The following MACROD2 variants were observed in gnomAD, a reference collection of about 807,000 sequenced individuals.
The protein encoded by MACROD2 is mono-ADP ribosylhydrolase 2.
A neutral mutation model predicts 70.4 loss-of-function variants in MACROD2; 36 were observed. The observed-to-expected ratio is 0.51, with a 90% CI of 0.39 to 0.68. The LOEUF (loss-of-function observed/expected upper bound fraction) is 0.68. Among genes scored for constraint, MACROD2 ranks in the 30% least tolerant of loss-of-function variants. The probability of loss-of-function intolerance (pLI) is 0.00; values close to 1 mark genes in which losing one functional copy is unlikely to be tolerated. For missense variants in MACROD2, 496 were observed against 538.4 expected (o/e 0.92, Z 0.78); for synonymous variants, 172 against 178.8 (o/e 0.96, Z 0.30).
At chr20:15,275,123 A>G (rs1431558267) in intron 6 of MACROD2, among the ~76,000 whole-genome samples, 3 of 152,250 alleles carry the variant, frequency 2.0e-5, no homozygotes, top group South Asian at 2.1e-4. Context: ...AAAGTTAACT[A>G]TGCCCAGACC....
intron 2 of MACROD2, among the ~76,000 whole-genome samples, chr20:14,077,990 C>T (rs1039597224): frequency 2.0e-5 from 3 of 151,506 alleles, no homozygotes; most frequent in Admixed American, 2.0e-4. Context: ...GCAACCTCTG[C>T]CTCCTGGGTT....
In MACROD2 at chr20:14,915,634, G is replaced by A. The variant is rs541508786; in HGVS notation, c.418+230675G>A. ...CGGCTGTGCCCGACTGTGTGAGGCC[G>A]CCCAGTGCCAAGGGTAACTACTGGC... On this transcript the variant is annotated intron_variant, in intron 5 of 17. Coordinates refer to ENST00000684519, the MANE Select transcript of MACROD2 (RefSeq NM_001351661.2). Among the ~76,000 whole-genome samples the A allele has an allele frequency of 5.9e-5, 9 of 152,240 alleles. No individual in the cohort carries two copies. The East Asian group carries it at 9.6e-4, about 16-fold the overall frequency.
At chr20:14,753,464 A>G (rs1245667473) in intron 5 of MACROD2, among the ~76,000 whole-genome samples, 1 of 152,154 alleles carries the variant, frequency 6.6e-6, no homozygotes, top group Non-Finnish European at 1.5e-5. Flanking sequence ...ATATTTATAA[A>G]GGGAAACTTT....
intron 3 of MACROD2, among the ~76,000 whole-genome samples, chr20:14,419,737 A>G (rs946984731): frequency 2.6e-5 from 4 of 152,170 alleles, no homozygotes; most frequent in Non-Finnish European, 5.9e-5. Context: ...TGATCTTGCT[A>G]TATACTGGTG....
In MACROD2 at chr20:14,655,319, CTGTGTGTG is replaced by C. The variant is rs11470954; in HGVS notation, c.302-29492_302-29485del. ...CTTATATATAAATCCAAAGTGGACA[CTGTGTGTG>C]TGTGTGTGTGTGTGTGTGTGTGTGT... On this transcript the variant is annotated intron_variant, in intron 4 of 17. Coordinates refer to ENST00000684519, the MANE Select transcript of MACROD2 (RefSeq NM_001351661.2). Among the ~76,000 whole-genome samples, 1,180 of 141,698 alleles carry C rather than the reference CTGTGTGTG, an allele frequency of 8.3e-3. 14 individuals are homozygous for C. The highest frequency in any genetic ancestry group is 0.029 in the African/African-American group (1,093 of 37,480). The allele number at this position is 141,698 out of a possible 152,430, so 93.0% of individuals were successfully genotyped here.
chr20:15,822,618 A>G (rs1480377156), intron 8 of MACROD2, among the ~76,000 whole-genome samples: 1 of 152,214 alleles, frequency 6.6e-6, no homozygotes. Flanking sequence ...GCATTATTGA[A>G]TGATAACATT....
intron 15 of MACROD2, among the ~76,000 whole-genome samples, chr20:16,028,549 A>G (rs1358247002): frequency 6.6e-6 from 1 of 152,166 alleles, no homozygotes; most frequent in African/African-American, 2.4e-5. Context: ...TCTCGTGCTC[A>G]CCCTCAGCTA....
intron 3 of MACROD2, among the ~76,000 whole-genome samples, chr20:14,119,811 G>A (rs946359940): frequency 2.6e-5 from 4 of 152,146 alleles, no homozygotes; most frequent in Admixed American, 2.6e-4. Flanking sequence ...ATTTAAGACA[G>A]TATGTTTGGT....
At chr20:14,996,792 G>T (rs1223728457) in intron 5 of MACROD2, among the ~76,000 whole-genome samples, 1 of 152,200 alleles carries the variant, frequency 6.6e-6, no homozygotes, top group Non-Finnish European at 1.5e-5. Flanking sequence ...TGCCCATGGA[G>T]GGAGCGTTTA....
At chr20:14,419,878 T>G (rs1166113933) in intron 3 of MACROD2, among the ~76,000 whole-genome samples, 1 of 152,078 alleles carries the variant, frequency 6.6e-6, no homozygotes, top group Non-Finnish European at 1.5e-5. Flanking sequence ...AATATTTTTA[T>G]GAAAGTTGAC....
chr20:15,334,582 ATT>A (rs11478951), intron 6 of MACROD2, among the ~76,000 whole-genome samples: 2 of 148,804 alleles, frequency 1.3e-5, no homozygotes, highest in Admixed American at 6.7e-5. Context: ...GGGAAAAATG[ATT>A]TTTTTTAAAA....
Position 15,571,640 on chromosome 20 carries a change from G to A in MACROD2, c.645+71793G>A, listed in dbSNP as rs564642453. ...TCTGTATCTGTAGCAGATAATGGAA[G>A]GCATTTGTTTGAGAGGGCCCCAAAT... On this transcript the variant is annotated intron_variant, in intron 8 of 17. Transcript: ENST00000684519. Among the ~76,000 whole-genome samples, 85 of 152,136 alleles carry A rather than the reference G, an allele frequency of 5.6e-4. 1 individual carries two copies. The highest frequency in any genetic ancestry group is 7.2e-4 in the Admixed American group (11 of 15,272).
intron 5 of MACROD2, among the ~76,000 whole-genome samples, chr20:14,704,821 A>T (rs1182878433): frequency 1.3e-5 from 2 of 152,132 alleles, no homozygotes; most frequent in Non-Finnish European, 2.9e-5. Flanking sequence ...TTCTTTTTTT[A>T]AATTTTATTT....
intron 8 of MACROD2, among the ~76,000 whole-genome samples, chr20:15,721,755 C>T (rs950385385): frequency 5.9e-5 from 9 of 152,098 alleles, no homozygotes; most frequent in African/African-American, 2.2e-4. Flanking sequence ...AAACCCTATA[C>T]ATAAAAGAGT....
chr20:14,717,588 T>A (rs529638601), intron 5 of MACROD2, among the ~76,000 whole-genome samples: 2 of 151,956 alleles, frequency 1.3e-5, no homozygotes, highest in South Asian at 4.2e-4. Context: ...TAGTTATTCA[T>A]TAACCGACTT....
intron 3 of MACROD2, among the ~76,000 whole-genome samples, chr20:14,209,051 A>C (rs1601350501): frequency 6.6e-6 from 1 of 152,320 alleles, no homozygotes; most frequent in African/African-American, 2.4e-5. Context: ...GGAGGAATTG[A>C]GTAAGGATTA....
chr20:14,615,886 A>G (rs1983450651), intron 4 of MACROD2, among the ~76,000 whole-genome samples: 1 of 151,018 alleles, frequency 6.6e-6, no homozygotes, highest in African/African-American at 2.4e-5. Flanking sequence ...GTGTAGATGT[A>G]CGTGGGACAG....
intron 4 of MACROD2, among the ~76,000 whole-genome samples, chr20:14,674,379 T>TA (rs2070833327): frequency 6.6e-6 from 1 of 152,182 alleles, no homozygotes; most frequent in Admixed American, 6.5e-5. Flanking sequence ...TCAAAATTTT[T>TA]ATCATGATTT....
intron 8 of MACROD2, among the ~76,000 whole-genome samples, chr20:15,778,890 A>G (rs2051780901): frequency 6.6e-6 from 1 of 152,154 alleles, no homozygotes; most frequent in Admixed American, 6.5e-5. Context: ...TGCTGTCTTG[A>G]TAAAGGATCT....
Sources: allele counts gnomAD v4.1 joint callset (sites outside exome capture counted in the v4.1 genomes callset), GRCh38; gene constraint gnomAD v4.1.1; transcripts MANE v1.5; gene names NCBI Gene and HGNC (gene_info 2026-07-23, HGNC 2026-07-21).